Variants in AGPAT2 observed in about 807,000 individuals in gnomAD.
AGPAT2 encodes the protein 1-acyl-sn-glycerol-3-phosphate acyltransferase beta.
In AGPAT2, 18 loss-of-function variants were observed where a neutral mutation model predicts 26.1. That is an observed-to-expected ratio of 0.69 (90% CI 0.48 to 1.02). The LOEUF (loss-of-function observed/expected upper bound fraction) is 1.02, where lower values mean the gene tolerates loss of function less well. Among genes scored for constraint, AGPAT2 ranks in the 50% least tolerant of loss-of-function variants. The pLI is 0.00. For synonymous variants in AGPAT2, 200 were observed against 174.2 expected, an observed-to-expected ratio of 1.15 and a Z score of -1.16; for missense variants, 415 against 394.9, an observed-to-expected ratio of 1.05 and a Z score of -0.43.
At chr9:136,679,929 T>G (rs917210490) in intron 1 of AGPAT2, among the ~76,000 whole-genome samples, 1 of 152,228 alleles carries the variant, frequency 6.6e-6, no homozygotes, top group African/African-American at 2.4e-5. Flanking sequence ...GCCCGACGGC[T>G]GGAGTGAGAA....
In AGPAT2 at chr9:136,677,108, G is replaced by C. The variant is rs73668354; in HGVS notation, c.345C>G (p.Cys115Trp). The C allele has an allele frequency of 6.2e-7, 1 of 1,613,124 alleles. No homozygotes were observed. Among genetic ancestry groups the C allele is most frequent in the South Asian group, 1.1e-5 (1 of 91,086 alleles). ...GCAGCTCCCGCTTGGCGATCTGCACGCAGCGCTCCGGAAGGACCTCCATGA... is the reference window on the plus strand; with the variant it reads ...GCAGCTCCCGCTTGGCGATCTGCACCCAGCGCTCCGGAAGGACCTCCATGA... ...MGLMEVLPER[C>W]VQIAKRELLF... Residue 115 changes from cysteine (C) to tryptophan (W), a missense_variant, in exon 3 of 6, where the codon TGC becomes TGG. Cys to Trp is a radical substitution (Grantham distance 215, BLOSUM62 -2). Coordinates refer to ENST00000371696, the MANE Select transcript of AGPAT2 (RefSeq NM_006412.4).
chr9:136,673,762 G>GGCTGCACGCCA lies in AGPAT2; in HGVS notation c.816_826dup (p.Pro276LeufsTer15). ...CTGCCGTGGTCTGGGCTACTGGGCC[G>GGCTGCACGCCA]GCTGCACGCCAGACCCCGCAGTGGC... On this transcript the variant is annotated frameshift_variant, in exon 6 of 6. Coordinates refer to ENST00000371696, the MANE Select transcript of AGPAT2 (RefSeq NM_006412.4). LOFTEE classifies it high-confidence loss of function. 5 of 1,594,148 alleles carry GGCTGCACGCCA rather than the reference G, an allele frequency of 3.1e-6. No individual in the cohort carries two copies. The highest frequency in any genetic ancestry group is 4.3e-6 in the Non-Finnish European group (5 of 1,171,774).
In AGPAT2 at chr9:136,677,668, C is replaced by T. The variant is rs116738152; in HGVS notation, c.183-112G>A. 2,346 of 1,348,622 alleles carry T rather than the reference C, an allele frequency of 1.7e-3. 37 individuals are homozygous for T. The African/African-American group carries it at 0.029, about 17-fold the overall frequency. The allele number at this position is 1,348,622 out of a possible 1,614,324, so 83.5% of individuals were successfully genotyped here. ...AGGCTGGGGAGGGGCCCTCCTGGCACGGGGCAGGAGACCGGGAGACACAGG... is the reference window on the plus strand; with the variant it reads ...AGGCTGGGGAGGGGCCCTCCTGGCATGGGGCAGGAGACCGGGAGACACAGG... On this transcript the variant is annotated intron_variant, in intron 1 of 5. Transcript: ENST00000371696.
In AGPAT2 at chr9:136,674,751, C is replaced by T. The variant is rs767537103; in HGVS notation, c.645G>A (p.Lys215=). 1.3e-6 allele frequency: 2 copies of T among 1,513,360 alleles called. No individual in the cohort carries two copies. The highest frequency in any genetic ancestry group is 1.8e-6 in the Non-Finnish European group (2 of 1,127,538). 93.7% of individuals were successfully genotyped at this position (1,513,360 alleles called of 1,614,324 possible). Residue 215 remains lysine (K), a synonymous_variant, in exon 5 of 6, where the codon AAG becomes AAA. Transcript: ENST00000371696. ...SSFSSFYNTK[K]KFFTSGTVTV... is the part of the protein sequence containing the mutation. ...TGGGGGTACCTGAAGTGAAGAACTT[C>T]TTCTTGGTGTTGTAGAAGGAGGAGA...
Position 136,676,639 on chromosome 9 carries a change from AT to A in AGPAT2, c.533del (p.Asn178MetfsTer75). ...CCTTCTTAAAAGGCAGCAGGTCCCC[AT>A]TGTCGTTGCGAGTACCCTCGGGATA... is the stretch of plus-strand genomic sequence containing the variant. ...WIYPEGTRND[N>X]GDLLPFKKGA... is the part of the protein sequence containing the mutation. On this transcript the variant is annotated frameshift_variant, in exon 4 of 6. Coordinates refer to ENST00000371696, the MANE Select transcript of AGPAT2 (RefSeq NM_006412.4). LOFTEE classifies it high-confidence loss of function. 6.2e-7 allele frequency: 1 copy of A among 1,613,528 alleles called. No individual in the cohort carries two copies. The highest frequency in any genetic ancestry group is 1.3e-5 in the African/African-American group (1 of 75,040).
chr9:136,682,981 A>G (rs997200047), intron 1 of AGPAT2, among the ~76,000 whole-genome samples: 2 of 143,592 alleles, frequency 1.4e-5, no homozygotes, highest in Non-Finnish European at 3.0e-5. Flanking sequence ...GCAGGCTTAC[A>G]TTCTATGAGG....
At chr9:136,678,551 C>A (rs1318668945) in intron 1 of AGPAT2, among the ~76,000 whole-genome samples, 1 of 152,198 alleles carries the variant, frequency 6.6e-6, no homozygotes, top group African/African-American at 2.4e-5. Context: ...TGTGCCAGCG[C>A]TGACTGGGGG....
At chr9:136,678,918 A>G (rs900008005) in intron 1 of AGPAT2, among the ~76,000 whole-genome samples, 6 of 151,922 alleles carry the variant, frequency 3.9e-5, no homozygotes, top group African/African-American at 1.5e-4. Context: ...ACACCTCGCT[A>G]GTTTTTGTAT....
At position 136,673,626 on chromosome 9, in the gene AGPAT2, G is replaced by T; in HGVS notation, c.*126C>A. The T allele has an allele frequency of 9.0e-7, 1 of 1,107,690 alleles. No individual in the cohort carries two copies. Among genetic ancestry groups the T allele is most frequent in the Non-Finnish European group, 1.2e-6 (1 of 813,678 alleles). The allele number at this position is 1,107,690 out of a possible 1,614,324, so 68.6% of individuals were successfully genotyped here. On this transcript the variant is annotated 3_prime_UTR_variant, in exon 6 of 6. Coordinates refer to ENST00000371696, the MANE Select transcript of AGPAT2 (RefSeq NM_006412.4). ...GACAGAAGGGGCTTCCTGCTTCCCGGGCTGAGTGAGAGCTGGGGGAGCCGG... is the reference window on the plus strand; with the variant it reads ...GACAGAAGGGGCTTCCTGCTTCCCGTGCTGAGTGAGAGCTGGGGGAGCCGG...
At chr9:136,675,263 C>T (rs1233763735) in intron 4 of AGPAT2, among the ~76,000 whole-genome samples, 4 of 151,984 alleles carry the variant, frequency 2.6e-5, no homozygotes, top group Admixed American at 2.6e-4. Context: ...TCACCGGGGT[C>T]AAATCCAAGG....
intron 4 of AGPAT2, among the ~76,000 whole-genome samples, 193 bp from the exon 5 acceptor site, chr9:136,675,000 A>C (rs1846071982): frequency 6.6e-6 from 1 of 152,164 alleles, no homozygotes; most frequent in Non-Finnish European, 1.5e-5. Context: ...GAGTTCCATA[A>C]GCTCATCCTG....
At chr9:136,683,043 G>C (rs1846181025) in intron 1 of AGPAT2, among the ~76,000 whole-genome samples, 1 of 145,432 alleles carries the variant, frequency 6.9e-6, no homozygotes, top group Non-Finnish European at 1.5e-5. Flanking sequence ...ACCAACAGTG[G>C]CTGTGATGGG....
intron 1 of AGPAT2, among the ~76,000 whole-genome samples, chr9:136,682,577 C>A (rs1302457712): frequency 2.6e-5 from 4 of 152,228 alleles, no homozygotes; most frequent in Non-Finnish European, 5.9e-5. Flanking sequence ...TGGCCACTGC[C>A]AGGCGGGTGA....
chr9:136,674,446 G>A (rs530276190), intron 5 of AGPAT2, among the ~76,000 whole-genome samples: 220 of 152,362 alleles, frequency 1.4e-3, no homozygotes, highest in African/African-American at 4.5e-3. Context: ...CTCAGAGGCC[G>A]CCCTCCAGGC....
chr9:136,678,088 G>C (rs2119187823), intron 1 of AGPAT2, among the ~76,000 whole-genome samples: 1 of 152,326 alleles, frequency 6.6e-6, no homozygotes, highest in East Asian at 1.9e-4. Context: ...GGTTCTTCCA[G>C]AAAAGAGCCG....
chr9:136,684,878 G>A (rs576995327), intron 1 of AGPAT2, among the ~76,000 whole-genome samples: 39 of 152,336 alleles, frequency 2.6e-4, no homozygotes, highest in African/African-American at 7.7e-4. Flanking sequence ...AACAGAGGCC[G>A]AGTATCCCCT....
In AGPAT2 at chr9:136,673,914, C is replaced by T. The variant is rs781637963; in HGVS notation, c.675G>A (p.Val225=). 6 of 1,580,912 alleles carry T rather than the reference C, an allele frequency of 3.8e-6. No individual in the cohort carries two copies. Among genetic ancestry groups the T allele is most frequent in the South Asian group, 1.2e-5 (1 of 86,260 alleles). The change falls in exon 6 of 6, where the codon GTG becomes GTA. Residue 225 remains valine, a synonymous_variant. Coordinates refer to ENST00000371696, the MANE Select transcript of AGPAT2 (RefSeq NM_006412.4). ...TGGTGGGGATGGCTTCCAGCACCTG[C>T]ACTGTGACTGTTCCTGTGGGGGAAG... ...KKFFTSGTVT[V]QVLEAIPTSG... is the part of the protein sequence containing the mutation.
rs781637963 is a variant in AGPAT2, at chr9:136,673,914, C to G, written c.675G>C (p.Val225=). The change falls in exon 6 of 6, where the codon GTG becomes GTC. Residue 225 remains valine (V), a synonymous_variant. Transcript: ENST00000371696. The stretch of plus-strand genomic sequence containing the variant: ...TGGTGGGGATGGCTTCCAGCACCTG[C>G]ACTGTGACTGTTCCTGTGGGGGAAG... The part of the protein sequence containing the change: ...KKFFTSGTVT[V]QVLEAIPTSG... The G allele has an allele frequency of 6.3e-7, 1 of 1,580,912 alleles. No homozygotes were observed. Among genetic ancestry groups the G allele is most frequent in the South Asian group, 1.2e-5 (1 of 86,260 alleles).
In AGPAT2 at chr9:136,673,768, A is replaced by G; in HGVS notation, c.821T>C (p.Val274Ala). The change falls in exon 6 of 6, where the codon GTG becomes GCG. Residue 274 changes from valine (V) to alanine (A), a missense_variant. Coordinates refer to ENST00000371696, the MANE Select transcript of AGPAT2 (RefSeq NM_006412.4). Reference sequence around the variant, plus strand: ...TGGTCTGGGCTACTGGGCCGGCTGCACGCCAGACCCCGCAGTGGCCCCGTT... The same window carrying G: ...TGGTCTGGGCTACTGGGCCGGCTGCGCGCCAGACCCCGCAGTGGCCCCGTT... ...QENGATAGSG[V>A]QPAQ The G allele has an allele frequency of 1.3e-6, 2 of 1,598,336 alleles. No homozygotes were observed. Among genetic ancestry groups the G allele is most frequent in the Non-Finnish European group, 1.7e-6 (2 of 1,174,056 alleles).
Sources: gnomAD v4.1 joint callset for allele counts (sites outside exome capture counted in the v4.1 genomes callset) on GRCh38, gnomAD v4.1.1 for gene constraint, MANE v1.5 for transcripts, NCBI Gene and HGNC (gene_info 2026-07-23, HGNC 2026-07-21) for gene names.